The following NBAS variants were observed in gnomAD, a reference collection of about 807,000 sequenced individuals.
NBAS encodes NAG/BC035112 fusion.
A neutral mutation model predicts 302.5 loss-of-function variants in NBAS; 219 were observed. That is an observed-to-expected ratio of 0.72 (90% CI 0.65 to 0.81). NBAS has a LOEUF of 0.81. Among genes scored for constraint, NBAS ranks in the 30% least tolerant of loss-of-function variants. NBAS has a pLI of 0.00. For synonymous variants in NBAS, 1,118 were observed against 1,021.6 expected, an observed-to-expected ratio of 1.09 and a Z score of -1.80; for missense variants, 2,932 against 2,841.6, an observed-to-expected ratio of 1.03 and a Z score of -0.72.
At chr2:15,077,866 T>C in the NBAS span, among the ~76,000 whole-genome samples, 1 of 151,882 alleles carries the variant, frequency 6.6e-6, no homozygotes, top group Admixed American at 6.6e-5. Context: ...GTATTTTTAG[T>C]AGAGACGGGG....
At chr2:14,962,082 T>C in the NBAS span, among the ~76,000 whole-genome samples, 1 of 152,164 alleles carries the variant, frequency 6.6e-6, no homozygotes, top group East Asian at 1.9e-4. Flanking sequence ...CTCTTCCCTG[T>C]GATTTTCTAT....
intron 48 of NBAS, among the ~76,000 whole-genome samples, chr2:15,218,175 G>C (rs192099253): frequency 6.6e-6 from 1 of 152,260 alleles, no homozygotes; most frequent in East Asian, 1.9e-4. Context: ...GCAAGAGTAA[G>C]CCACCATGAT....
chr2:14,810,927 G>A, the NBAS span, among the ~76,000 whole-genome samples: 1 of 152,046 alleles, frequency 6.6e-6, no homozygotes, highest in Non-Finnish European at 1.5e-5. Flanking sequence ...GTTCTCCTCT[G>A]CCCAGAGCAG....
intron 44 of NBAS, among the ~76,000 whole-genome samples, chr2:15,272,311 CTG>C (rs1207778637): frequency 6.6e-6 from 1 of 152,202 alleles, no homozygotes; most frequent in African/African-American, 2.4e-5. Context: ...AAACTGCACA[CTG>C]TGTATGAATA....
the NBAS span, among the ~76,000 whole-genome samples, chr2:14,928,331 G>A: frequency 0.11 from 16,546 of 152,138 alleles, 990 homozygotes; most frequent in African/African-American, 0.15. Context: ...ATTGCTTCTC[G>A]TAGCACACAG....
chr2:15,206,214 C>T lies in NBAS; in HGVS notation c.6432+12559G>A, dbSNP rs533929163. Among the ~76,000 whole-genome samples, 24 of 152,252 alleles carry T rather than the reference C, an allele frequency of 1.6e-4. No individual in the cohort carries two copies. In the South Asian group the frequency reaches 4.8e-3, roughly 30 times the overall value. ...TGGAATAAAGGTCACTCTTGCTATG[C>T]TTTAGAGATCTGTGGAACTCTGAGC... On this transcript the variant is annotated intron_variant, in intron 48 of 51. Transcript: ENST00000281513.
At chr2:15,092,377 G>A in the NBAS span, among the ~76,000 whole-genome samples, 593 of 152,294 alleles carry the variant, frequency 3.9e-3, 3 homozygotes, top group Admixed American at 7.6e-3. Flanking sequence ...GCAAAGTAAG[G>A]CAATGTATGT....
At chr2:14,987,800 A>G in the NBAS span, among the ~76,000 whole-genome samples, 1 of 152,138 alleles carries the variant, frequency 6.6e-6, no homozygotes, top group African/African-American at 2.4e-5. Flanking sequence ...AATTCACCCA[A>G]ATACCCAGGG....
At chr2:15,243,881 C>T (rs571317618) in intron 44 of NBAS, among the ~76,000 whole-genome samples, 7 of 152,182 alleles carry the variant, frequency 4.6e-5, no homozygotes, top group South Asian at 2.1e-4. Context: ...AGAGATAAGA[C>T]GGAGAAATCC....
chr2:15,382,850 A>G (rs1404327482), intron 29 of NBAS, among the ~76,000 whole-genome samples: 2 of 152,202 alleles, frequency 1.3e-5, no homozygotes, highest in East Asian at 1.9e-4. Flanking sequence ...GAAGTAGGGA[A>G]ACAAGTAGGG....
the NBAS span, among the ~76,000 whole-genome samples, chr2:14,930,927 C>T: frequency 6.6e-6 from 1 of 152,212 alleles, no homozygotes; most frequent in Non-Finnish European, 1.5e-5. Flanking sequence ...AGCTCCGCTA[C>T]TAACTGAATA....
intron 9 of NBAS, among the ~76,000 whole-genome samples, chr2:15,516,525 C>T (rs933430500): frequency 4.6e-5 from 7 of 152,098 alleles, no homozygotes; most frequent in Admixed American, 3.9e-4. Flanking sequence ...GAGTTCAAGA[C>T]CACCCTGGGC....
intron 35 of NBAS, among the ~76,000 whole-genome samples, chr2:15,334,480 G>A (rs931081582): frequency 5.3e-5 from 8 of 151,994 alleles, no homozygotes; most frequent in Non-Finnish European, 7.4e-5. Context: ...CAGCCACCAC[G>A]CCTCTCTTCT....
chr2:14,785,047 G>T, the NBAS span, among the ~76,000 whole-genome samples: 7 of 151,858 alleles, frequency 4.6e-5, no homozygotes, highest in African/African-American at 9.7e-5. Context: ...CCCTTGTAAG[G>T]TGGATTCCTA....
chr2:14,794,815 T>G, the NBAS span, among the ~76,000 whole-genome samples: 2 of 152,212 alleles, frequency 1.3e-5, no homozygotes, highest in African/African-American at 2.4e-5. Context: ...CACTCCAGAT[T>G]AGTTAGCATT....
At chr2:15,548,190 T>C (rs6723785) in intron 6 of NBAS, among the ~76,000 whole-genome samples, 97,011 of 152,100 alleles carry the variant, frequency 0.64, 31,678 homozygotes, top group Non-Finnish European at 0.68. Flanking sequence ...AGTTCCCAAG[T>C]GCCATTACCC....
chr2:15,141,654 C>T, the NBAS span, among the ~76,000 whole-genome samples: 21 of 151,680 alleles, frequency 1.4e-4, no homozygotes, highest in South Asian at 4.0e-3. Context: ...ACAATGTGAA[C>T]ATATTGCTCA....
intron 24 of NBAS, among the ~76,000 whole-genome samples, chr2:15,417,294 A>G (rs949060191): frequency 6.6e-6 from 1 of 152,210 alleles, no homozygotes; most frequent in Non-Finnish European, 1.5e-5. Flanking sequence ...ACGGAAAAAA[A>G]AAGTTATACA....
chr2:15,350,941 G>C (rs1473807600), intron 35 of NBAS, among the ~76,000 whole-genome samples: 1 of 152,116 alleles, frequency 6.6e-6, no homozygotes, highest in Non-Finnish European at 1.5e-5. Context: ...TATCTATTTA[G>C]GTTGAATTAT....
Sources: allele counts gnomAD v4.1 joint callset (sites outside exome capture counted in the v4.1 genomes callset), GRCh38; gene constraint gnomAD v4.1.1; transcripts MANE v1.5; gene names NCBI Gene and HGNC (gene_info 2026-07-23, HGNC 2026-07-21).